Variants in NFIA observed in about 807,000 individuals in gnomAD.
The protein encoded by NFIA is nuclear factor 1 A-type.
NFIA carries 8 observed loss-of-function variants against 62.8 expected under a neutral mutation model. That is an observed-to-expected ratio of 0.13 (90% CI 0.07 to 0.23). The LOEUF is 0.23. NFIA is among the 10% of genes least tolerant of loss of function. NFIA has a pLI of 1.00. For synonymous variants in NFIA, 235 were observed against 238.1 expected (o/e 0.99, Z 0.12); for missense variants, 410 against 642.1 (o/e 0.64, Z 3.91).
At chr1:61,261,996 G>A (rs901735313) in intron 2 of NFIA, among the ~76,000 whole-genome samples, 1 of 152,100 alleles carries the variant, frequency 6.6e-6, no homozygotes, top group African/African-American at 2.4e-5. Flanking sequence ...ATATTTAAAT[G>A]TACTTGCATC....
intron 2 of NFIA, among the ~76,000 whole-genome samples, chr1:61,118,659 A>AGTGTGT (rs5774536): frequency 1.4e-5 from 2 of 145,204 alleles, no homozygotes; most frequent in African/African-American, 5.1e-5. Flanking sequence ...GGTCGGGATG[A>AGTGTGT]GTGTGTGTGT....
At chr1:61,277,440 C>T in intron 2 of NFIA, 80 bp from the exon 3 acceptor site, 1 of 1,348,114 alleles carries the variant, frequency 7.4e-7, no homozygotes. Flanking sequence ...TAGGTTGAAC[C>T]TTTTGAGAAA....
chr1:61,410,271 TAAGAG>T (rs943107400), intron 9 of NFIA, among the ~76,000 whole-genome samples: 3 of 152,162 alleles, frequency 2.0e-5, no homozygotes, highest in Non-Finnish European at 4.4e-5. Flanking sequence ...CCTGGTGTCT[TAAGAG>T]AAGATAGAAC....
intron 2 of NFIA, among the ~76,000 whole-genome samples, chr1:61,213,974 A>G (rs148824818): frequency 8.9e-4 from 135 of 152,302 alleles, no homozygotes; most frequent in Admixed American, 2.4e-3. Context: ...GGTGGGATAC[A>G]AATTATTGAA....
intron 2 of NFIA, among the ~76,000 whole-genome samples, chr1:61,165,058 G>A (rs1165274728): frequency 6.6e-6 from 1 of 152,154 alleles, no homozygotes; most frequent in Non-Finnish European, 1.5e-5. Flanking sequence ...CTAACAATGT[G>A]CAAACTGTTG....
At chr1:61,209,938 T>C (rs2100602032) in intron 2 of NFIA, among the ~76,000 whole-genome samples, 1 of 152,338 alleles carries the variant, frequency 6.6e-6, no homozygotes, top group South Asian at 2.1e-4. Context: ...AGTTTCACTG[T>C]CCAAAAATAA....
rs1646265075 is a variant in NFIA at position 61,088,771 on chromosome 1, C to T, written c.559+91C>T. 6.9e-7 allele frequency: 1 copy of T among 1,444,104 alleles called. No homozygotes were observed. The highest frequency in any genetic ancestry group is 9.3e-7 in the Non-Finnish European group (1 of 1,079,432). 89.5% of individuals were successfully genotyped at this position (1,444,104 alleles called of 1,614,324 possible). A position where few individuals can be genotyped will look rare whatever the true frequency, so the allele number is the denominator to read the frequency against. On this transcript the variant is annotated intron_variant, in intron 2 of 10. Coordinates refer to ENST00000403491, the MANE Select transcript of NFIA (RefSeq NM_001134673.4). The surrounding 1 kb of genome is among the most constrained non-coding windows in gnomAD (Gnocchi z 4.5). ...TTATGCCGGATTCTTCCTGAGCTCC[C>T]CAAGTTGCAGGCCACGTACATGAAG...
intron 7 of NFIA, among the ~76,000 whole-genome samples, chr1:61,396,359 C>T (rs1303085349): frequency 1.3e-5 from 2 of 152,100 alleles, no homozygotes; most frequent in Non-Finnish European, 2.9e-5. Flanking sequence ...AATCCTCCCA[C>T]CTCAGCCTCC....
chr1:61,296,186 A>G (rs1207598052), intron 3 of NFIA, among the ~76,000 whole-genome samples: 1 of 152,224 alleles, frequency 6.6e-6, no homozygotes, highest in East Asian at 1.9e-4. Context: ...AAACAAATAA[A>G]TACAACACTG....
intron 3 of NFIA, among the ~76,000 whole-genome samples, chr1:61,324,919 C>A (rs1432249636): frequency 6.6e-6 from 1 of 152,188 alleles, no homozygotes; most frequent in African/African-American, 2.4e-5. Context: ...GTATTGAAGT[C>A]TGTGCTCTAA....
intron 6 of NFIA, among the ~76,000 whole-genome samples, chr1:61,371,893 C>T (rs977476617): frequency 2.6e-5 from 4 of 152,092 alleles, no homozygotes; most frequent in Admixed American, 6.6e-5. Flanking sequence ...AAAGACCTTT[C>T]CCTCACAAGT....
At chr1:61,161,757 A>C (rs1352731652) in intron 2 of NFIA, among the ~76,000 whole-genome samples, 1 of 151,666 alleles carries the variant, frequency 6.6e-6, no homozygotes, top group Non-Finnish European at 1.5e-5. Flanking sequence ...ACACACACAC[A>C]CACCCCTCTA....
chr1:61,130,195 G>A (rs1647049697), intron 2 of NFIA, among the ~76,000 whole-genome samples: 1 of 152,062 alleles, frequency 6.6e-6, no homozygotes, highest in African/African-American at 2.4e-5. Flanking sequence ...TATTCAGGTA[G>A]GAAGAAGAGA....
In NFIA at chr1:61,391,032, ATTTG is replaced by A. The variant is rs201973277; in HGVS notation, c.1075+7675_1075+7678del. On this transcript the variant is annotated intron_variant, in intron 7 of 10. Coordinates refer to ENST00000403491, the MANE Select transcript of NFIA (RefSeq NM_001134673.4). Reference sequence around the variant, plus strand: ...TGTTTAAGTGCTCAGTATATATTTGATTTGTTTGTTTATTTGTTTGTTTGTTTGT... The same window carrying A: ...TGTTTAAGTGCTCAGTATATATTTGATTTGTTTATTTGTTTGTTTGTTTGT... Among the ~76,000 whole-genome samples the A allele has an allele frequency of 1.4e-3, 204 of 147,766 alleles. 1 individual carries two copies. The East Asian group carries it at 0.016, about 12-fold the overall frequency.
intron 2 of NFIA, among the ~76,000 whole-genome samples, chr1:61,123,452 A>C (rs1458217560): frequency 6.6e-6 from 1 of 152,232 alleles, no homozygotes; most frequent in Non-Finnish European, 1.5e-5. Context: ...AAGAATTTCA[A>C]GTTTGCTCAT....
At chr1:61,086,916 C>A (rs539812839) in intron 1 of NFIA, among the ~76,000 whole-genome samples, 1 of 152,052 alleles carries the variant, frequency 6.6e-6, no homozygotes, top group South Asian at 2.1e-4. Context: ...AAAAAGCCAT[C>A]GAATCTTTCT....
At chr1:61,121,678 C>G (rs1646889440) in intron 2 of NFIA, among the ~76,000 whole-genome samples, 1 of 152,086 alleles carries the variant, frequency 6.6e-6, no homozygotes. Context: ...AATTTTCTCC[C>G]TCTTACCCTC....
chr1:61,237,126 G>T (rs1655058533), intron 2 of NFIA, among the ~76,000 whole-genome samples: 1 of 152,146 alleles, frequency 6.6e-6, no homozygotes, highest in Non-Finnish European at 1.5e-5. Context: ...CCACCACCAT[G>T]TTGAATGAAT....
chr1:61,081,315 C>T (rs1340788845), upstream of NFIA, among the ~76,000 whole-genome samples: 1 of 151,674 alleles, frequency 6.6e-6, no homozygotes, highest in South Asian at 2.1e-4. Flanking sequence ...TAAAAACCAC[C>T]CCCCTCTTTT....
Sources: allele counts gnomAD v4.1 joint callset (sites outside exome capture counted in the v4.1 genomes callset), GRCh38; gene constraint gnomAD v4.1.1; non-coding constraint Gnocchi (gnomAD v3.1); transcripts MANE v1.5; gene names NCBI Gene and HGNC (gene_info 2026-07-23, HGNC 2026-07-21).